Variants in STRBP observed in about 807,000 individuals in gnomAD.
STRBP encodes spermatid perinuclear RNA-binding protein.
A neutral mutation model predicts 80.1 loss-of-function variants in STRBP; 13 were observed. The observed-to-expected ratio is 0.16, with a 90% CI of 0.11 to 0.26. STRBP has a LOEUF of 0.26. Among genes scored for constraint, STRBP ranks in the 10% least tolerant of loss-of-function variants. STRBP has a pLI of 1.00. For missense variants in STRBP, 485 were observed against 815.2 expected (o/e 0.59, Z 4.93); for synonymous variants, 284 against 291.2 (o/e 0.98, Z 0.25).
At position 123,194,144 on chromosome 9, in the gene STRBP, C is replaced by T. The variant is rs142742139; in HGVS notation, c.-164-9846G>A. On this transcript the variant is annotated intron_variant, in intron 2 of 18. Coordinates refer to ENST00000348403, the MANE Select transcript of STRBP (RefSeq NM_018387.5). Reference sequence around the variant, plus strand: ...AAATGTTCATTCACTTCCTCACTCTCCTAATGATTTTCTCACACTTCTCTT... The same window carrying T: ...AAATGTTCATTCACTTCCTCACTCTTCTAATGATTTTCTCACACTTCTCTT... Among the ~76,000 whole-genome samples, 339 of 152,316 alleles carry T rather than the reference C, an allele frequency of 2.2e-3. 3 individuals carry two copies. The highest frequency in any genetic ancestry group is 1.5e-3 in the Non-Finnish European group (101 of 68,026).
chr9:123,189,807 C>T (rs1336951413), intron 2 of STRBP, among the ~76,000 whole-genome samples: 2 of 151,852 alleles, frequency 1.3e-5, no homozygotes, highest in Non-Finnish European at 2.9e-5. Context: ...TGTATCAAAC[C>T]TGCACGTTGT....
rs564560496 is a variant in STRBP, at chr9:123,226,680, G to A, written c.-165+10150C>T. ...ATCTTGAATGGTTACTATGTGCCAC[G>A]CACTGTGACACTTTAGGTTACATCT... On this transcript the variant is annotated intron_variant, in intron 2 of 18. Coordinates refer to ENST00000348403, the MANE Select transcript of STRBP (RefSeq NM_018387.5). Among the ~76,000 whole-genome samples the A allele has an allele frequency of 4.6e-5, 7 of 151,958 alleles. No individual in the cohort carries two copies. The East Asian group carries it at 5.8e-4, about 13-fold the overall frequency.
At chr9:123,176,409 T>C (rs955016592) in intron 4 of STRBP, among the ~76,000 whole-genome samples, 24 of 152,330 alleles carry the variant, frequency 1.6e-4, no homozygotes, top group African/African-American at 5.8e-4. Context: ...TCAGAGAAAC[T>C]TCAATATGAG....
At chr9:123,250,847 GT>G (rs1327361328) in intron 1 of STRBP, among the ~76,000 whole-genome samples, 1 of 152,196 alleles carries the variant, frequency 6.6e-6, no homozygotes, top group African/African-American at 2.4e-5. Context: ...GCTGGCTACA[GT>G]GGCTCACACC....
exon 3 of STRBP, chr9:123,116,039 C>G (rs768215541): frequency 6.6e-6 from 3 of 456,158 alleles, no homozygotes; most frequent in Non-Finnish European, 1.3e-5. Context: ...CCCCAGGTGC[C>G]AATTTCCATA....
chr9:123,144,923 T>G (rs746990008), intron 13 of STRBP, among the ~76,000 whole-genome samples: 1 of 151,980 alleles, frequency 6.6e-6, no homozygotes, highest in Non-Finnish European at 1.5e-5. Flanking sequence ...CCAAATAAAG[T>G]AAGCAGAGTT....
intron 2 of STRBP, among the ~76,000 whole-genome samples, chr9:123,231,066 C>G (rs2040384879): frequency 6.6e-6 from 1 of 152,148 alleles, no homozygotes; most frequent in African/African-American, 2.4e-5. Context: ...AGAAAATGCA[C>G]AGGGAGCTTT....
At chr9:123,215,841 T>C (rs1255934702) in intron 2 of STRBP, among the ~76,000 whole-genome samples, 1 of 152,216 alleles carries the variant, frequency 6.6e-6, no homozygotes, top group Non-Finnish European at 1.5e-5. Flanking sequence ...TCTAAAATTC[T>C]ACGAACAAGA....
At chr9:123,205,619 AATAC>A (rs1284259450) in intron 2 of STRBP, among the ~76,000 whole-genome samples, 9 of 152,248 alleles carry the variant, frequency 5.9e-5, no homozygotes, top group African/African-American at 2.2e-4. Flanking sequence ...TACAAAAAGA[AATAC>A]ATAGATTCAC....
chr9:123,112,303 G>A (rs1305502214), intron 3 of STRBP: 3 of 167,198 alleles, frequency 1.8e-5, no homozygotes, highest in Admixed American at 6.5e-5. Flanking sequence ...CCTCTTCTCC[G>A]AGCTGCATGT....
intron 3 of STRBP, among the ~76,000 whole-genome samples, chr9:123,182,727 G>A (rs1017952403): frequency 6.6e-6 from 1 of 152,256 alleles, no homozygotes; most frequent in Admixed American, 6.5e-5. Context: ...AACATCACCA[G>A]GCTGGGCACG....
At chr9:123,116,840 A>C (rs1436876744), downstream of STRBP, among the ~76,000 whole-genome samples, 1 of 152,140 alleles carries the variant, frequency 6.6e-6, no homozygotes, top group African/African-American at 2.4e-5. Context: ...CTAAGCATCT[A>C]TTTCCTCATC....
At position 123,146,877 on chromosome 9, in the gene STRBP, G is replaced by C; in HGVS notation, c.1316C>G (p.Ala439Gly). 4 of 1,612,634 alleles carry C rather than the reference G, an allele frequency of 2.5e-6. No individual in the cohort carries two copies. Among genetic ancestry groups the C allele is most frequent in the Non-Finnish European group, 2.5e-6 (3 of 1,178,990 alleles). ...TACCTTCACCGCTACGTGAAGTTTT[G>C]CTGTTTTCTTGGATGGTCCTGAGGC... ...YEASGPSKKT[A>G]KLHVAVKVLQ... is the part of the protein sequence containing the mutation. Residue 439 changes from alanine to glycine, a missense_variant, in exon 13 of 19, where the codon GCA (alanine) becomes GGA (glycine). Coordinates refer to ENST00000348403, the MANE Select transcript of STRBP (RefSeq NM_018387.5).
At chr9:123,229,027 G>C (rs750564076) in intron 2 of STRBP, among the ~76,000 whole-genome samples, 2 of 152,164 alleles carry the variant, frequency 1.3e-5, no homozygotes, top group Admixed American at 1.3e-4. Context: ...ACTCATACAT[G>C]TTATAATACG....
intron 2 of STRBP, among the ~76,000 whole-genome samples, chr9:123,224,102 T>TA (rs1200342493): frequency 2.0e-5 from 3 of 152,138 alleles, no homozygotes; most frequent in African/African-American, 7.2e-5. Context: ...ACACAGTGAA[T>TA]AAAAAAGAAA....
chr9:123,260,115 G>C (rs1419756138), intron 1 of STRBP, among the ~76,000 whole-genome samples: 1 of 152,130 alleles, frequency 6.6e-6, no homozygotes, highest in African/African-American at 2.4e-5. Flanking sequence ...AGAAATGGTT[G>C]TTTAAAAAAA....
At chr9:123,235,668 C>T (rs948389078) in intron 2 of STRBP, among the ~76,000 whole-genome samples, 1 of 146,702 alleles carries the variant, frequency 6.8e-6, no homozygotes, top group Admixed American at 6.8e-5. Context: ...AAAAGAATGG[C>T]ACTCTTTGTC....
intron 1 of STRBP, among the ~76,000 whole-genome samples, chr9:123,240,720 G>A (rs1289509208): frequency 3.3e-5 from 5 of 152,280 alleles, no homozygotes; most frequent in African/African-American, 9.6e-5. Flanking sequence ...CCAAGGCTCT[G>A]TCCCAGGCCC....
Position 123,168,944 on chromosome 9 carries a change from T to C in STRBP, c.535+958A>G, listed in dbSNP as rs144320177. 6.6e-5 allele frequency among the ~76,000 whole-genome samples: 10 copies of C among 152,298 alleles called. No homozygotes were observed. In the East Asian group the frequency reaches 1.9e-3, roughly 29 times the overall value. ...CTGCCAGACAGCAATTCTTCTTAAC[T>C]TCAGAAGAAAGTTAGTTTAAAGCAT... On this transcript the variant is annotated intron_variant, in intron 6 of 18. Transcript: ENST00000348403.
Sources: gnomAD v4.1 joint callset for allele counts (sites outside exome capture counted in the v4.1 genomes callset) on GRCh38, gnomAD v4.1.1 for gene constraint, MANE v1.5 for transcripts, NCBI Gene and HGNC (gene_info 2026-07-23, HGNC 2026-07-21) for gene names.